Variants in HEATR5B observed in about 807,000 individuals in gnomAD.
HEATR5B encodes the protein HEAT repeat-containing protein 5B.
Under a neutral mutation model 224.1 loss-of-function variants are expected in HEATR5B, and 156 were observed. The observed-to-expected ratio is 0.70, with a 90% CI of 0.61 to 0.80. HEATR5B has a LOEUF of 0.80. Ranked by LOEUF, HEATR5B falls within the 30% of genes least tolerant of loss-of-function variation. The pLI is 0.00. For synonymous variants in HEATR5B, 1,027 were observed against 893.0 expected (o/e 1.15, Z -2.68); for missense variants, 2,323 against 2,535.5 (o/e 0.92, Z 1.80).
intron 33 of HEATR5B, among the ~76,000 whole-genome samples, chr2:36,992,539 C>T (rs1370478972): frequency 6.6e-6 from 1 of 151,908 alleles, no homozygotes; most frequent in Non-Finnish European, 1.5e-5. Context: ...TGCGTTCATG[C>T]CACCACACTC....
intron 16 of HEATR5B, among the ~76,000 whole-genome samples, chr2:37,056,127 T>C (rs368367151): frequency 7.2e-6 from 1 of 139,336 alleles, no homozygotes; most frequent in African/African-American, 2.6e-5. Flanking sequence ...TTATAATGCA[T>C]TTTTTTTTTT....
Position 37,053,532 on chromosome 2 carries a change from G to A in HEATR5B, c.2475C>T (p.Asn825=), listed in dbSNP as rs1213556850. The change falls in exon 17 of 36, where the codon AAC becomes AAT. Residue 825 remains asparagine, a synonymous_variant. Coordinates refer to ENST00000233099, the MANE Select transcript of HEATR5B (RefSeq NM_019024.3). ...KGVRQQAVQL[N]IFTAVLSALK... ...GTGCACTAAGAACAGCAGTAAATAT[G>A]TTAAGCTGCACAGCCTGCTGGCGGA... 2.5e-6 allele frequency: 4 copies of A among 1,606,954 alleles called. No individual in the cohort carries two copies. The highest frequency in any genetic ancestry group is 3.4e-6 in the Non-Finnish European group (4 of 1,174,916).
chr2:37,061,177 G>A (rs1025963829), intron 11 of HEATR5B, among the ~76,000 whole-genome samples: 1 of 152,030 alleles, frequency 6.6e-6, no homozygotes, highest in African/African-American at 2.4e-5. Flanking sequence ...AGTTTTGGGG[G>A]CAATTTATGT....
intron 27 of HEATR5B, among the ~76,000 whole-genome samples, chr2:37,010,485 A>G (rs970454859): frequency 5.3e-5 from 8 of 151,476 alleles, no homozygotes; most frequent in Non-Finnish European, 8.8e-5. Context: ...TAGTGAGTAC[A>G]TGCTTGTTTC....
At position 37,068,684 on chromosome 2, in the gene HEATR5B, C is replaced by G; in HGVS notation, c.1174G>C (p.Val392Leu). 1.2e-6 allele frequency: 2 copies of G among 1,613,882 alleles called. No homozygotes were observed. The highest frequency in any genetic ancestry group is 1.7e-6 in the Non-Finnish European group (2 of 1,179,936). ...ACATAATGATACTGATTCTTACCTA[C>G]GGCTTTCATTTGTTTTCCAATAGCT... is the stretch of plus-strand genomic sequence containing the variant. ...CQAIGKQMKA[V>L]EAVVNDTSGE... The change falls in exon 8 of 36, where the codon GTA (valine) becomes CTA (leucine). Residue 392 changes from valine to leucine, a missense_variant. This residue lies in a region of HEATR5B where 502 missense variants were observed against 517.8 expected (regional missense o/e 0.97). Coordinates refer to ENST00000233099, the MANE Select transcript of HEATR5B (RefSeq NM_019024.3).
chr2:37,002,606 C>T, intron 31 of HEATR5B, 34 bp from the exon 32 acceptor site: 1 of 1,587,302 alleles, frequency 6.3e-7, no homozygotes, highest in Non-Finnish European at 8.6e-7. Context: ...AAATTTCCAG[C>T]CAAAAAAAAG....
Position 37,028,051 on chromosome 2 carries a change from G to A in HEATR5B, c.3725C>T (p.Ala1242Val). The part of the protein sequence containing the change: ...GEEDKSKPFV[A>V]PRWATRVFAA... ...AAATACTCGAGTGGCCCAGCGAGGG[G>A]CCACAAAGGGCTTTGATTTATCTTC... The change falls in exon 24 of 36, where the codon GCC becomes GTC. Residue 1242 changes from alanine (A) to valine (V), a missense_variant. Physicochemically the swap from Ala to Val is moderately conservative, Grantham distance 64. Coordinates refer to ENST00000233099, the MANE Select transcript of HEATR5B (RefSeq NM_019024.3). 6.2e-7 allele frequency: 1 copy of A among 1,614,082 alleles called. No homozygotes were observed.
chr2:37,077,090 A>G (rs1672281606), intron 3 of HEATR5B, 71 bp from the exon 4 acceptor site: 1 of 1,311,578 alleles, frequency 7.6e-7, no homozygotes, highest in South Asian at 1.3e-5. Context: ...TCATTTTTAG[A>G]AATCAATTTG....
At chr2:37,003,755 T>G in intron 30 of HEATR5B, 69 bp from the exon 31 acceptor site, 1 of 1,077,810 alleles carries the variant, frequency 9.3e-7, no homozygotes, top group Non-Finnish European at 1.3e-6. Flanking sequence ...ATTGTTAAAA[T>G]CTGAGAAAAT....
chr2:37,005,795 T>G, intron 29 of HEATR5B, 36 bp from the exon 30 acceptor site: 1 of 1,492,074 alleles, frequency 6.7e-7, no homozygotes, highest in Non-Finnish European at 9.0e-7. Context: ...TTTTTTCACT[T>G]ATAAAACACT....
chr2:37,078,502 T>TTAAC (rs1358690515), intron 3 of HEATR5B, among the ~76,000 whole-genome samples: 1 of 152,226 alleles, frequency 6.6e-6, no homozygotes, highest in Non-Finnish European at 1.5e-5. Context: ...CATTAAAGTA[T>TTAAC]TAACATAGCT....
intron 30 of HEATR5B, among the ~76,000 whole-genome samples, chr2:37,005,166 C>A (rs998209420): frequency 5.3e-5 from 8 of 152,174 alleles, no homozygotes; most frequent in African/African-American, 1.4e-4. Flanking sequence ...AATGGCTATG[C>A]CCTTGAACTT....
chr2:37,054,480 A>ATTTT lies in HEATR5B; in HGVS notation c.2400-877_2400-874dup, dbSNP rs11433192. Among the ~76,000 whole-genome samples, 59 of 75,206 alleles carry ATTTT rather than the reference A, an allele frequency of 7.8e-4. 2 individuals carry two copies. Among genetic ancestry groups the ATTTT allele is most frequent in the African/African-American group, 9.9e-4 (17 of 17,104 alleles). The allele number at this position is 75,206 out of a possible 152,430, so 49.3% of individuals were successfully genotyped here. On this transcript the variant is annotated intron_variant, in intron 16 of 35. Transcript: ENST00000233099. Reference sequence around the variant, plus strand: ...ACAGGCGTGAGCCACTGTGCTCTGCATTTTTTTTTTTTTTTTTTTTTGAGA... The same window carrying ATTTT: ...ACAGGCGTGAGCCACTGTGCTCTGCATTTTTTTTTTTTTTTTTTTTTTTTTGAGA...
Position 37,000,626 on chromosome 2 carries a change from A to C in HEATR5B, c.5505T>G (p.Ile1835Met). 6.2e-7 allele frequency: 1 copy of C among 1,614,232 alleles called. No individual in the cohort carries two copies. The highest frequency in any genetic ancestry group is 8.5e-7 in the Non-Finnish European group (1 of 1,180,044). Residue 1835 changes from isoleucine to methionine, a missense_variant, in exon 33 of 36, where the codon ATT becomes ATG. By Grantham distance (10) the Ile-to-Met change is conservative. Around this residue, in one of 12 missense-constraint regions of HEATR5B, gnomAD observed 844 missense variants for 812.9 expected, o/e 1.04. Coordinates refer to ENST00000233099, the MANE Select transcript of HEATR5B (RefSeq NM_019024.3). Reference protein sequence around the residue: ...AGVQKQWTALIRSTLACILEY... With the variant: ...AGVQKQWTALMRSTLACILEY... Reference sequence around the variant, plus strand: ...CCAGGATGCAAGCAAGCGTGCTACGAATCAGAGCTGTCCACTGTTTTTGAA... The same window carrying C: ...CCAGGATGCAAGCAAGCGTGCTACGCATCAGAGCTGTCCACTGTTTTTGAA...
chr2:36,994,991 C>G (rs894628211), intron 33 of HEATR5B, among the ~76,000 whole-genome samples: 1 of 151,898 alleles, frequency 6.6e-6, no homozygotes, highest in African/African-American at 2.4e-5. Context: ...ACTTCATGAT[C>G]TGTCCACCTC....
chr2:37,028,676 C>G lies in HEATR5B; in HGVS notation c.3601+5G>C. ...TTATTTTAAGAACGCACATTAAATA[C>G]TTACCACTAGAAGCTGCCAGGACAT... On this transcript the variant is annotated splice_donor_5th_base_variant and intron_variant, in intron 23 of 35. Transcript: ENST00000233099. 1.9e-6 allele frequency: 3 copies of G among 1,613,340 alleles called. No homozygotes were observed. The highest frequency in any genetic ancestry group is 1.7e-6 in the Non-Finnish European group (2 of 1,179,534).
intron 18 of HEATR5B, among the ~76,000 whole-genome samples, chr2:37,048,885 C>T (rs1423242345): frequency 6.6e-6 from 1 of 152,158 alleles, no homozygotes; most frequent in Non-Finnish European, 1.5e-5. Context: ...ACATTTTCTT[C>T]AGAACTACTA....
Position 37,070,405 on chromosome 2 carries a change from T to TA in HEATR5B, c.770-19dup, listed in dbSNP as rs1252102569. On this transcript the variant is annotated intron_variant, in intron 6 of 35. Coordinates refer to ENST00000233099, the MANE Select transcript of HEATR5B (RefSeq NM_019024.3). ...ACGCATTACTTTCAAGAAGAAAAAT[T>TA]AAAGTATAAGCAAATATATTTCTGA... The TA allele has an allele frequency of 1.1e-5, 18 of 1,604,894 alleles. No homozygotes were observed. In the East Asian group the frequency reaches 1.3e-4, roughly 12 times the overall value.
chr2:37,037,145 G>GATATATATATATATATAT lies in HEATR5B; in HGVS notation c.3216+709_3216+710insATATATATATATATATAT, dbSNP rs1553431138. On this transcript the variant is annotated intron_variant, in intron 21 of 35. Transcript: ENST00000233099. ...TTCCGAGTAGGAAAACTAAAAATGT[G>GATATATATATATATATAT]ATATATATATATATTTTGGAGATGG... Among the ~76,000 whole-genome samples the GATATATATATATATATAT allele has an allele frequency of 2.3e-3, 207 of 89,160 alleles. 22 individuals carry two copies. The highest frequency in any genetic ancestry group is 4.8e-3 in the Middle Eastern group (1 of 208). 58.5% of individuals were successfully genotyped at this position (89,160 alleles called of 152,430 possible).
Sources: gnomAD v4.1 joint callset for allele counts (sites outside exome capture counted in the v4.1 genomes callset) on GRCh38, gnomAD v4.1.1 for gene constraint, gnomAD v4.1.1 regional missense constraint, MANE v1.5 for transcripts, NCBI Gene and HGNC (gene_info 2026-07-23, HGNC 2026-07-21) for gene names.